The following RNF213 variants were observed in gnomAD, a reference collection of about 807,000 sequenced individuals.
RNF213 encodes the protein E3 ubiquitin-protein ligase RNF213.
A neutral mutation model predicts 514.4 loss-of-function variants in RNF213; 341 were observed. The ratio of observed to expected loss-of-function variants is 0.66; its 90% CI spans 0.61 to 0.73. The LOEUF (loss-of-function observed/expected upper bound fraction) is 0.73. Among genes scored for constraint, RNF213 ranks in the 30% least tolerant of loss-of-function variants. The pLI is 0.00. For missense variants in RNF213, 5,767 were observed against 6,615.6 expected, an observed-to-expected ratio of 0.87 and a Z score of 4.45; for synonymous variants, 2,655 against 2,658.2, an observed-to-expected ratio of 1.00 and a Z score of 0.04.
In RNF213 at chr17:80,264,946, C is replaced by T. The variant is rs575034417; in HGVS notation, c.97+1168C>T. Among the ~76,000 whole-genome samples the T allele has an allele frequency of 6.6e-6, 1 of 152,286 alleles. No homozygotes were observed. Among genetic ancestry groups the T allele is most frequent in the Admixed American group, 6.5e-5 (1 of 15,288 alleles). On this transcript the variant is annotated intron_variant, in intron 2 of 67. Transcript: ENST00000582970. This position sits in a 1 kb window ranked among gnomAD's most constrained non-coding sequence, Gnocchi z 5.0. ...CTTCCCCAGAGGGCGGCCTGGCTCC[C>T]TCCTTCCCCTCTTTCAGTCTTTGCC...
At position 80,288,760 on chromosome 17, in the gene RNF213, G is replaced by A. The variant is rs1331053592; in HGVS notation, c.933+5G>A. On this transcript the variant is annotated splice_donor_5th_base_variant and intron_variant, in intron 5 of 67. Transcript: ENST00000582970. This position sits in a 1 kb window ranked among gnomAD's most constrained non-coding sequence, Gnocchi z 4.9. The stretch of plus-strand genomic sequence containing the variant: ...CCTTTCAAAACACACTGCCAGGTGC[G>A]TCTCCTTCCTGCCTGCCGGCTCCAG... The A allele has an allele frequency of 5.0e-6, 8 of 1,614,050 alleles. No homozygotes were observed. Among genetic ancestry groups the A allele is most frequent in the African/African-American group, 1.3e-5 (1 of 75,044 alleles).
chr17:80,267,181 C>T (rs2145096366), intron 2 of RNF213, among the ~76,000 whole-genome samples: 1 of 151,234 alleles, frequency 6.6e-6, no homozygotes, highest in Middle Eastern at 3.4e-3. Context: ...TGTGCCACTG[C>T]ACTCCAGCCT....
intron 1 of RNF213, among the ~76,000 whole-genome samples, chr17:80,262,090 G>C (rs73440495): frequency 6.6e-6 from 1 of 152,124 alleles, no homozygotes. Context: ...GAAACACTTC[G>C]GGTGGAAAGA....
intron 5 of RNF213, among the ~76,000 whole-genome samples, chr17:80,289,367 A>G (rs2044599325): frequency 6.6e-6 from 1 of 152,206 alleles, no homozygotes; most frequent in African/African-American, 2.4e-5. Flanking sequence ...AGGCGGGTGC[A>G]TCACCTGAGT....
intron 8 of RNF213, 160 bp downstream of exon 8, chr17:80,291,987 T>A: frequency 1.3e-6 from 1 of 750,960 alleles, no homozygotes; most frequent in Non-Finnish European, 2.3e-6. Flanking sequence ...TCAGTGACAC[T>A]GACTCTGGGT....
rs746888230 is a variant in RNF213 at position 80,273,316 on chromosome 17, A to G, written c.173A>G (p.Glu58Gly). Residue 58 changes from glutamate to glycine, a missense_variant, in exon 3 of 68, where the codon GAA (glutamate) becomes GGA (glycine). Coordinates refer to ENST00000582970, the MANE Select transcript of RNF213 (RefSeq NM_001256071.3). ...EMECGQELKE[E>G]GGPCLFPGSD... is the part of the protein sequence containing the mutation. The stretch of plus-strand genomic sequence containing the variant: ...GAGTGTGGGCAGGAGCTGAAGGAGG[A>G]AGGGGGCCCGTGCTTGTTCCCGGGC... 3 of 1,613,516 alleles carry G rather than the reference A, an allele frequency of 1.9e-6. No individual in the cohort carries two copies. The South Asian group carries it at 3.3e-5, about 18-fold the overall frequency.
In RNF213 at chr17:80,383,186, G is replaced by T. The variant is rs1007113171; in HGVS notation, c.14070+116G>T. 7 of 748,626 alleles carry T rather than the reference G, an allele frequency of 9.4e-6. No homozygotes were observed. In the Admixed American group the frequency reaches 1.4e-4, roughly 15 times the overall value. 46.4% of individuals were successfully genotyped at this position (748,626 alleles called of 1,614,324 possible). A position where few individuals can be genotyped will look rare whatever the true frequency, so the allele number is the denominator to read the frequency against. ...CGTAGCGGTGCCAGCAAGAGCCTTT[G>T]ACTGAGCCCCAGATTCCAATGCTCC... On this transcript the variant is annotated intron_variant, in intron 58 of 67. Transcript: ENST00000582970.
At chr17:80,391,051 G>A (rs1379959517) in intron 67 of RNF213, among the ~76,000 whole-genome samples, 1 of 152,044 alleles carries the variant, frequency 6.6e-6, no homozygotes, top group Non-Finnish European at 1.5e-5. Flanking sequence ...AACAGAGGGA[G>A]ACTTCATCTC....
At position 80,332,385 on chromosome 17, in the gene RNF213, C is replaced by A. The variant is rs1215968294; in HGVS notation, c.3897C>A (p.Thr1299=). ...AGGATCTAAAGTCAGGAGAGGTCAC[C>A]CTTGCAGAGATTGATGTCATCTTCA... is the stretch of plus-strand genomic sequence containing the variant. ...LHQDLKSGEV[T]LAEIDVIFKD... The change falls in exon 21 of 68, where the codon ACC becomes ACA. Residue 1299 remains threonine, a synonymous_variant. Transcript: ENST00000582970. 15 of 1,537,002 alleles carry A rather than the reference C, an allele frequency of 9.8e-6. No individual in the cohort carries two copies. The highest frequency in any genetic ancestry group is 1.2e-5 in the Non-Finnish European group (14 of 1,146,910).
intron 3 of RNF213, chr17:80,278,790 T>TGCTGC: frequency 6.5e-7 from 1 of 1,537,204 alleles, no homozygotes; most frequent in Non-Finnish European, 8.7e-7. Flanking sequence ...TTTTGGTAGA[T>TGCTGC]GCTGCTGTAG....
At chr17:80,356,227 C>T (rs1317755331) in intron 36 of RNF213, among the ~76,000 whole-genome samples, 1 of 152,206 alleles carries the variant, frequency 6.6e-6, no homozygotes, top group Non-Finnish European at 1.5e-5. Context: ...GTCTCAAACT[C>T]CTGACCTCAG....
Position 80,273,217 on chromosome 17 carries a change from CCCTT to C in RNF213, c.98-18_98-15del, listed in dbSNP as rs753481703. The C allele has an allele frequency of 1.9e-6, 3 of 1,613,170 alleles. No individual in the cohort carries two copies. The highest frequency in any genetic ancestry group is 1.3e-5 in the African/African-American group (1 of 75,030). The stretch of plus-strand genomic sequence containing the variant: ...ACACTCGCTTCTCTCTGAGATCTGA[CCCTT>C]CCTTCATCTGCCGTTACAGATTCTG... On this transcript the variant is annotated intron_variant, in intron 2 of 67. Transcript: ENST00000582970.
intron 20 of RNF213, among the ~76,000 whole-genome samples, chr17:80,329,182 C>A (rs976040194): frequency 6.6e-6 from 1 of 152,230 alleles, no homozygotes; most frequent in African/African-American, 2.4e-5. Context: ...GCCCCCCTCC[C>A]CCGCTACTCA....
Position 80,389,278 on chromosome 17 carries a change from A to G in RNF213, c.15106A>G (p.Ser5036Gly), listed in dbSNP as rs1488334727. 6.2e-7 allele frequency: 1 copy of G among 1,614,222 alleles called. No individual in the cohort carries two copies. The highest frequency in any genetic ancestry group is 1.7e-5 in the Admixed American group (1 of 60,026). ...CGTAGAAGTCACTCTGGGGTTTCTG[A>G]GCACAGCTGGTGGGGATCCAAACAT... ...SVVEVTLGFL[S>G]TAGGDPNMQL... The change falls in exon 65 of 68, where the codon AGC becomes GGC. Residue 5036 changes from serine (S) to glycine (G), a missense_variant. Physicochemically the swap from Ser to Gly is moderately conservative, Grantham distance 56 (BLOSUM62 0). Around this residue, in one of 13 missense-constraint regions of RNF213, gnomAD observed 1,245 missense variants for 1,339.0 expected, o/e 0.93. Transcript: ENST00000582970.
Position 80,345,819 on chromosome 17 carries a change from T to A in RNF213, c.7484T>A (p.Ile2495Lys), listed in dbSNP as rs1227945590. The change falls in exon 29 of 68, where the codon ATA becomes AAA. Residue 2495 changes from isoleucine (I) to lysine (K), a missense_variant. Ile to Lys is a moderately radical substitution (Grantham distance 102). Coordinates refer to ENST00000582970, the MANE Select transcript of RNF213 (RefSeq NM_001256071.3). This position sits in a 1 kb window ranked among gnomAD's most constrained non-coding sequence, Gnocchi z 6.0. ...GATGAAGCCAACACAACGGAAGCTA[T>A]AAGCTGTATCAAAGAAGTCCTGTGT... Reference protein sequence around the residue: ...FFDEANTTEAISCIKEVLCDH... With the variant: ...FFDEANTTEAKSCIKEVLCDH... The A allele has an allele frequency of 6.2e-7, 1 of 1,614,118 alleles. No individual in the cohort carries two copies. Among genetic ancestry groups the A allele is most frequent in the Admixed American group, 1.7e-5 (1 of 60,026 alleles).
intron 2 of RNF213, 51 bp from the exon 3 acceptor site, chr17:80,273,190 T>C: frequency 6.2e-7 from 1 of 1,608,010 alleles, no homozygotes; most frequent in South Asian, 1.1e-5. Flanking sequence ...TTTTCCTTCC[T>C]AACACTCGCT....
At chr17:80,290,995 G>A (rs963714134) in intron 7 of RNF213, among the ~76,000 whole-genome samples, 1 of 151,962 alleles carries the variant, frequency 6.6e-6, no homozygotes, top group Non-Finnish European at 1.5e-5. Context: ...TTTTAGTAGA[G>A]ACGGAGTTTC....
Position 80,347,969 on chromosome 17 carries a change from T to TTTCCAGAAGAGGC in RNF213, c.9634_9635insTTCCAGAAGAGGC (p.Tyr3212PhefsTer9). The TTTCCAGAAGAGGC allele has an allele frequency of 6.2e-7, 1 of 1,614,072 alleles. No homozygotes were observed. The highest frequency in any genetic ancestry group is 8.5e-7 in the Non-Finnish European group (1 of 1,179,930). ...ACATCATTTCCAGAAGAGGCACAAA[T>TTTCCAGAAGAGGC]ACAGCCCCTCTGACGTCTTCATCGG... is the stretch of plus-strand genomic sequence containing the variant. On this transcript the variant is annotated frameshift_variant, in exon 29 of 68. Coordinates refer to ENST00000582970, the MANE Select transcript of RNF213 (RefSeq NM_001256071.3). LOFTEE classifies it high-confidence loss of function. This position sits in a 1 kb window ranked among gnomAD's most constrained non-coding sequence, Gnocchi z 7.2.
At chr17:80,321,443 T>C (rs1324522654) in intron 17 of RNF213, 1 of 152,246 alleles carries the variant, frequency 6.6e-6, no homozygotes, top group Non-Finnish European at 1.5e-5. Context: ...TCTTCGGCTA[T>C]TATAAATCTG....
Sources: allele counts gnomAD v4.1 joint callset (sites outside exome capture counted in the v4.1 genomes callset), GRCh38; gene constraint gnomAD v4.1.1; regional missense constraint gnomAD v4.1.1; non-coding constraint Gnocchi (gnomAD v3.1); transcripts MANE v1.5; gene names NCBI Gene and HGNC (gene_info 2026-07-23, HGNC 2026-07-21).